The following MEMO1 variants were observed in gnomAD, a reference collection of about 807,000 sequenced individuals.
The protein encoded by MEMO1 is mediator of cell motility 1.
In MEMO1, 6 loss-of-function variants were observed where a neutral mutation model predicts 45.2. The ratio of observed to expected loss-of-function variants is 0.13; its 90% CI spans 0.07 to 0.26. The LOEUF is 0.26. MEMO1 is among the 10% of genes least tolerant of loss of function. MEMO1 has a pLI of 1.00. For synonymous variants in MEMO1, 78 were observed against 124.3 expected (o/e 0.63, Z 2.48); for missense variants, 184 against 370.5 (o/e 0.50, Z 4.13).
chr2:31,951,500 C>A (rs1289770925), intron 2 of MEMO1, among the ~76,000 whole-genome samples: 1 of 150,072 alleles, frequency 6.7e-6, no homozygotes, highest in African/African-American at 2.4e-5. Flanking sequence ...TTACCAACTA[C>A]AAAATCTCAC....
In MEMO1 at chr2:31,868,931, T is replaced by C. The variant is rs1673267279; in HGVS notation, c.763-439A>G. On this transcript the variant is annotated intron_variant, in intron 9 of 9. Transcript: ENST00000404530. The stretch of plus-strand genomic sequence containing the variant: ...TATGCTAGGATTTTTACTTTAATTG[T>C]CGATTGGTTCAGCATTTACTTTATA... Among the ~76,000 whole-genome samples the C allele has an allele frequency of 2.0e-5, 3 of 152,342 alleles. No individual in the cohort carries two copies. The South Asian group carries it at 6.2e-4, about 32-fold the overall frequency.
At chr2:31,918,890 C>T (rs541530384) in intron 5 of MEMO1, among the ~76,000 whole-genome samples, 14 of 152,164 alleles carry the variant, frequency 9.2e-5, no homozygotes, top group Admixed American at 5.2e-4. Flanking sequence ...TCTTCACTGG[C>T]AAGCTACCCA....
At chr2:31,926,121 C>T (rs1362618211) in intron 4 of MEMO1, among the ~76,000 whole-genome samples, 1 of 152,102 alleles carries the variant, frequency 6.6e-6, no homozygotes, top group Non-Finnish European at 1.5e-5. Flanking sequence ...AATCTCAGCA[C>T]TTTGGGAGGC....
At chr2:31,897,267 G>T (rs761526906) in intron 6 of MEMO1, among the ~76,000 whole-genome samples, 1 of 152,224 alleles carries the variant, frequency 6.6e-6, no homozygotes, top group Non-Finnish European at 1.5e-5. Flanking sequence ...TGTTGAATAG[G>T]AGTGGTGAGA....
At chr2:31,909,615 C>T (rs1044734135) in intron 6 of MEMO1, among the ~76,000 whole-genome samples, 1 of 152,088 alleles carries the variant, frequency 6.6e-6, no homozygotes, top group Non-Finnish European at 1.5e-5. Context: ...TTGAAGAGGA[C>T]ATAAAAAACT....
chr2:31,921,308 A>T (rs147171861), intron 4 of MEMO1, among the ~76,000 whole-genome samples: 29 of 152,310 alleles, frequency 1.9e-4, no homozygotes, highest in African/African-American at 7.0e-4. Flanking sequence ...TTAAAAAATA[A>T]ATTTGTGTTG....
At chr2:31,883,015 G>T (rs1675645413) in intron 8 of MEMO1, among the ~76,000 whole-genome samples, 1 of 152,052 alleles carries the variant, frequency 6.6e-6, no homozygotes, top group South Asian at 2.1e-4. Flanking sequence ...AATATTTCAG[G>T]TAGTCGTGAA....
chr2:31,943,212 C>A, intron 3 of MEMO1, 90 bp downstream of exon 3: 1 of 966,752 alleles, frequency 1.0e-6, no homozygotes, highest in South Asian at 1.3e-5. Context: ...TTGCAGTGAG[C>A]CGAGACCATG....
At chr2:31,961,613 A>G (rs1668017361) in intron 2 of MEMO1, among the ~76,000 whole-genome samples, 1 of 147,818 alleles carries the variant, frequency 6.8e-6, no homozygotes, top group South Asian at 2.1e-4. Flanking sequence ...AAATTTAAAA[A>G]AAAACAAAAA....
intron 2 of MEMO1, among the ~76,000 whole-genome samples, chr2:31,969,586 G>T (rs6759421): frequency 0.032 from 3,806 of 119,092 alleles, 73 homozygotes; most frequent in Middle Eastern, 0.088. Flanking sequence ...TGTGTGTGTG[G>T]GTGTGTGTGT....
chr2:31,928,147 A>G (rs1163268458), intron 4 of MEMO1, among the ~76,000 whole-genome samples: 1 of 152,230 alleles, frequency 6.6e-6, no homozygotes, highest in East Asian at 1.9e-4. Context: ...CCAATTCTTC[A>G]TAGAACAGGC....
At chr2:31,937,227 TTAGA>T (rs1041788350) in intron 3 of MEMO1, among the ~76,000 whole-genome samples, 5 of 152,294 alleles carry the variant, frequency 3.3e-5, no homozygotes, top group South Asian at 2.1e-4. Flanking sequence ...AAAGTCCAAG[TTAGA>T]TAGTTATTAT....
rs540378261 is a variant in MEMO1, at chr2:31,999,384, T to C, written c.61+10803A>G. On this transcript the variant is annotated intron_variant, in intron 2 of 9. Transcript: ENST00000404530. ...ACTCAAGTAAAAGTCCTTTCTAGAC[T>C]AGGCACAGTGGCTCATACCTGTAAT... Among the ~76,000 whole-genome samples the C allele has an allele frequency of 9.5e-4, 145 of 152,210 alleles. 1 individual carries two copies. The highest frequency in any genetic ancestry group is 1.9e-3 in the Non-Finnish European group (127 of 68,026).
rs565765896 is a variant in MEMO1 at position 31,998,731 on chromosome 2, C to T, written c.61+11456G>A. On this transcript the variant is annotated intron_variant, in intron 2 of 9. Coordinates refer to ENST00000404530, the MANE Select transcript of MEMO1 (RefSeq NM_001301833.4). ...AGGAGAATCACTTGAACCCAGGAGG[C>T]GGACATTGCAGTGAGTAGAGATCAT... Among the ~76,000 whole-genome samples the T allele has an allele frequency of 1.5e-4, 22 of 151,280 alleles. No homozygotes were observed. In the East Asian group the frequency reaches 3.3e-3, roughly 23 times the overall value.
At chr2:31,945,494 A>G (rs146705027) in intron 2 of MEMO1, among the ~76,000 whole-genome samples, 1,523 of 152,294 alleles carry the variant, frequency 0.01, 13 homozygotes, top group Non-Finnish European at 0.015. Flanking sequence ...AAAATTTAAA[A>G]TAAGAGGCCT....
chr2:31,916,476 A>C (rs1227805828), intron 6 of MEMO1, among the ~76,000 whole-genome samples: 1 of 152,046 alleles, frequency 6.6e-6, no homozygotes, highest in Non-Finnish European at 1.5e-5. Flanking sequence ...CCATGTGCCC[A>C]CCTCCGCCTC....
intron 8 of MEMO1, among the ~76,000 whole-genome samples, chr2:31,878,624 A>C (rs1218133487): frequency 6.6e-6 from 1 of 152,136 alleles, no homozygotes; most frequent in Non-Finnish European, 1.5e-5. Flanking sequence ...GTGTTTGAGC[A>C]CGTGCTTCTG....
intron 2 of MEMO1, among the ~76,000 whole-genome samples, chr2:31,999,472 G>A (rs571162102): frequency 1.3e-5 from 2 of 152,062 alleles, no homozygotes; most frequent in Non-Finnish European, 2.9e-5. Flanking sequence ...AGACCAGCCT[G>A]AGCAATATAG....
chr2:31,990,669 A>C (rs951549126), intron 2 of MEMO1, among the ~76,000 whole-genome samples: 3 of 151,690 alleles, frequency 2.0e-5, no homozygotes, highest in African/African-American at 7.3e-5. Flanking sequence ...CAGCTCCCAA[A>C]GTGCTAGGAT....
Sources: allele counts gnomAD v4.1 joint callset (sites outside exome capture counted in the v4.1 genomes callset), GRCh38; gene constraint gnomAD v4.1.1; transcripts MANE v1.5; gene names NCBI Gene and HGNC (gene_info 2026-07-23, HGNC 2026-07-21).